STPG2: variants seen among roughly 807,000 people sequenced by gnomAD.
STPG2 encodes sperm-tail PG-rich repeat-containing protein 2.
In STPG2, 56 loss-of-function variants were observed where a neutral mutation model predicts 54.2. That is an observed-to-expected ratio of 1.03 (90% CI 0.83 to 1.29). STPG2 has a LOEUF of 1.29. STPG2 is among the 50% of genes most tolerant of loss of function. The pLI is 0.00. For missense variants in STPG2, 596 were observed against 544.9 expected, an observed-to-expected ratio of 1.09 and a Z score of -0.93; for synonymous variants, 200 against 181.8, an observed-to-expected ratio of 1.10 and a Z score of -0.81.
intron 9 of STPG2, among the ~76,000 whole-genome samples, chr4:97,815,449 G>A (rs1485353233): frequency 2.0e-5 from 3 of 152,088 alleles, no homozygotes; most frequent in Non-Finnish European, 4.4e-5. Context: ...TGCTCAAAAA[G>A]TTTCAGCTTT....
At chr4:98,120,195 C>T (rs1175658903) in intron 3 of STPG2, among the ~76,000 whole-genome samples, 2 of 152,114 alleles carry the variant, frequency 1.3e-5, no homozygotes, top group Non-Finnish European at 2.9e-5. Context: ...ATTCTTCTGC[C>T]TCAGCCTCCC....
At chr4:97,708,007 A>T (rs571026503) in intron 10 of STPG2, among the ~76,000 whole-genome samples, 1 of 152,246 alleles carries the variant, frequency 6.6e-6, no homozygotes, top group Admixed American at 6.5e-5. Context: ...ATGAGTGGTT[A>T]TGTTGAAATT....
intron 8 of STPG2, among the ~76,000 whole-genome samples, chr4:97,874,239 C>T (rs1730096663): frequency 6.6e-6 from 1 of 151,640 alleles, no homozygotes; most frequent in South Asian, 2.1e-4. Flanking sequence ...CTGGGGTTGA[C>T]TATTCATGTT....
intron 8 of STPG2, among the ~76,000 whole-genome samples, chr4:97,909,127 C>T (rs904274199): frequency 4.0e-5 from 6 of 150,398 alleles, no homozygotes; most frequent in Non-Finnish European, 5.9e-5. Flanking sequence ...AAAACAAAAA[C>T]AAACAGAAAG....
At chr4:97,557,532 C>T (rs1054427144), downstream of STPG2, among the ~76,000 whole-genome samples, 5 of 152,090 alleles carry the variant, frequency 3.3e-5, no homozygotes, top group Non-Finnish European at 7.4e-5. Flanking sequence ...GCAAACATGG[C>T]AGGGTCACAT....
intron 4 of STPG2, among the ~76,000 whole-genome samples, chr4:97,444,814 G>C (rs530852245): frequency 2.0e-5 from 3 of 152,198 alleles, no homozygotes; most frequent in Non-Finnish European, 4.4e-5. Flanking sequence ...AGGATCATGA[G>C]GTCAGGAGAT....
chr4:97,548,913 A>G (rs1422480674), intron 4 of STPG2, among the ~76,000 whole-genome samples: 1 of 81,206 alleles, frequency 1.2e-5, no homozygotes, highest in African/African-American at 6.3e-5. Context: ...AAATTGCCCT[A>G]CTATACCAGA....
intron 7 of STPG2, among the ~76,000 whole-genome samples, chr4:97,957,159 ATGAAATATATATG>A (rs1290211671): frequency 5.5e-5 from 6 of 110,020 alleles, no homozygotes; most frequent in African/African-American, 1.7e-4. Flanking sequence ...TGAAATATAT[ATGAAATATATATG>A]TGAAATATAT....
Position 98,028,151 on chromosome 4 carries a change from A to C in STPG2, c.613-46833T>G, listed in dbSNP as rs1736485561. Among the ~76,000 whole-genome samples, 3 of 152,196 alleles carry C rather than the reference A, an allele frequency of 2.0e-5. No individual in the cohort carries two copies. In the South Asian group the frequency reaches 6.2e-4, roughly 32 times the overall value. On this transcript the variant is annotated intron_variant, in intron 5 of 10. Transcript: ENST00000295268. ...TCCTTCCAAGGCACTAGCAAAAGAT[A>C]ATTCAACCACAACCTCAGTTTTCTC...
chr4:97,742,617 C>T (rs1725296394), intron 9 of STPG2, among the ~76,000 whole-genome samples: 1 of 146,130 alleles, frequency 6.8e-6, no homozygotes, highest in African/African-American at 2.5e-5. Flanking sequence ...TTACCTTTTG[C>T]AACAACATGG....
chr4:98,047,053 T>A (rs1269667241), intron 5 of STPG2, among the ~76,000 whole-genome samples: 1 of 150,052 alleles, frequency 6.7e-6, no homozygotes. Flanking sequence ...AGGGAGAAAT[T>A]GGGAGCTAGC....
chr4:97,939,396 C>A (rs1461656119), intron 8 of STPG2, among the ~76,000 whole-genome samples: 1 of 152,106 alleles, frequency 6.6e-6, no homozygotes. Context: ...CTGTCTAATA[C>A]CGTCAGTGGG....
chr4:97,937,875 A>G (rs1180458950), intron 8 of STPG2, among the ~76,000 whole-genome samples: 1 of 152,146 alleles, frequency 6.6e-6, no homozygotes, highest in Non-Finnish European at 1.5e-5. Flanking sequence ...GGGCGCAGGA[A>G]CCAAGACCCA....
intron 3 of STPG2, among the ~76,000 whole-genome samples, chr4:98,113,430 C>T (rs980071020): frequency 2.6e-5 from 4 of 151,944 alleles, no homozygotes; most frequent in African/African-American, 9.7e-5. Flanking sequence ...TTAGTAACTC[C>T]AATCCAATGA....
chr4:97,700,672 C>A (rs1011604579), intron 10 of STPG2, among the ~76,000 whole-genome samples: 7 of 152,176 alleles, frequency 4.6e-5, no homozygotes, highest in Non-Finnish European at 1.0e-4. Flanking sequence ...AGTGTGATAT[C>A]TTGCGGAAGT....
chr4:97,925,837 C>T (rs959674402), intron 8 of STPG2, among the ~76,000 whole-genome samples: 3 of 152,124 alleles, frequency 2.0e-5, no homozygotes, highest in African/African-American at 7.2e-5. Flanking sequence ...ACCTGTGACA[C>T]CTCTTCAGAA....
intron 10 of STPG2, among the ~76,000 whole-genome samples, chr4:97,632,665 A>T (rs60217712): frequency 0.13 from 20,133 of 152,172 alleles, 4,107 homozygotes; most frequent in African/African-American, 0.44. Context: ...CCAACAAAAA[A>T]TACTGTACCA....
intron 10 of STPG2, among the ~76,000 whole-genome samples, chr4:97,565,512 G>A (rs1732405657): frequency 6.6e-6 from 1 of 152,170 alleles, no homozygotes. Flanking sequence ...AAGGCACTCT[G>A]CTTTTTAGAG....
At chr4:97,558,424 A>G (rs1732133937), downstream of STPG2, among the ~76,000 whole-genome samples, 1 of 152,214 alleles carries the variant, frequency 6.6e-6, no homozygotes, top group African/African-American at 2.4e-5. Flanking sequence ...AAAGGTGAAT[A>G]GGATCTCACT....
Sources: gnomAD v4.1 joint callset for allele counts (sites outside exome capture counted in the v4.1 genomes callset) on GRCh38, gnomAD v4.1.1 for gene constraint, MANE v1.5 for transcripts, NCBI Gene and HGNC (gene_info 2026-07-23, HGNC 2026-07-21) for gene names.